The following LINS1 variants were observed in gnomAD, a reference collection of about 807,000 sequenced individuals.
LINS1 encodes lines homolog 1, also known as protein Lines homolog 1.
A neutral mutation model predicts 41.6 loss-of-function variants in LINS1; 27 were observed. The ratio of observed to expected loss-of-function variants is 0.65; its 90% CI spans 0.48 to 0.89. The LOEUF is 0.89. Among genes scored for constraint, LINS1 ranks in the 40% least tolerant of loss-of-function variants. The pLI, the probability that LINS1 is intolerant of heterozygous loss-of-function variation, is 0.00. For missense variants in LINS1, 955 were observed against 884.1 expected (o/e 1.08, Z -1.02); for synonymous variants, 336 against 312.9 (o/e 1.07, Z -0.78).
intron 1 of LINS1, among the ~76,000 whole-genome samples, chr15:100,586,050 C>T (rs1001181455): frequency 3.3e-5 from 5 of 152,172 alleles, no homozygotes; most frequent in African/African-American, 1.2e-4. Flanking sequence ...CTTGGGCCCC[C>T]AAAATCACTA....
intron 3 of LINS1, among the ~76,000 whole-genome samples, chr15:100,578,174 G>A (rs1333849338): frequency 6.6e-6 from 1 of 152,030 alleles, no homozygotes; most frequent in African/African-American, 2.4e-5. Flanking sequence ...ATAGAGAAAT[G>A]GGATCTAATT....
rs1567719555 is a variant in LINS1 at position 100,575,144 on chromosome 15, T to C, written c.490-16A>G. On this transcript the variant is annotated splice_polypyrimidine_tract_variant and intron_variant, in intron 3 of 6. Coordinates refer to ENST00000314742, the MANE Select transcript of LINS1 (RefSeq NM_001040616.3). Reference sequence around the variant, plus strand: ...TTAAGGTTATCTACAAGTGAGAAAATAAAGCAAGCAGTTAAAATACAATAT... The same window carrying C: ...TTAAGGTTATCTACAAGTGAGAAAACAAAGCAAGCAGTTAAAATACAATAT... 2 of 1,604,716 alleles carry C rather than the reference T, an allele frequency of 1.2e-6. No homozygotes were observed. Among genetic ancestry groups the C allele is most frequent in the Non-Finnish European group, 1.7e-6 (2 of 1,175,322 alleles).
chr15:100,584,168 C>T (rs1031087406), intron 1 of LINS1, among the ~76,000 whole-genome samples: 20 of 152,172 alleles, frequency 1.3e-4, no homozygotes, highest in Admixed American at 6.5e-4. Context: ...TAACTACTGT[C>T]ACTATAAAAC....
At chr15:100,596,624 A>G (rs1378817575) in intron 1 of LINS1, among the ~76,000 whole-genome samples, 3 of 152,220 alleles carry the variant, frequency 2.0e-5, no homozygotes, top group African/African-American at 4.8e-5. Context: ...CTTTTAATAA[A>G]AAGCAGCCCC....
At chr15:100,588,462 T>C (rs372263303) in intron 1 of LINS1, among the ~76,000 whole-genome samples, 34 of 152,356 alleles carry the variant, frequency 2.2e-4, no homozygotes, top group South Asian at 8.3e-4. Flanking sequence ...AAAAGTGTAA[T>C]GCCTTTCATT....
chr15:100,600,618 T>C (rs893375430), intron 1 of LINS1, among the ~76,000 whole-genome samples: 2 of 139,922 alleles, frequency 1.4e-5, no homozygotes, highest in Non-Finnish European at 3.0e-5. Flanking sequence ...CTACTAAAAA[T>C]TGATAGCATT....
At chr15:100,583,377 G>C (rs2038657753) in intron 1 of LINS1, among the ~76,000 whole-genome samples, 1 of 152,228 alleles carries the variant, frequency 6.6e-6, no homozygotes, top group Admixed American at 6.5e-5. Flanking sequence ...ACACAAAGCT[G>C]CCCTGTTTTA....
At chr15:100,588,630 CT>C (rs1188040353) in intron 1 of LINS1, among the ~76,000 whole-genome samples, 1 of 152,152 alleles carries the variant, frequency 6.6e-6, no homozygotes, top group African/African-American at 2.4e-5. Flanking sequence ...GCTTCTTTGA[CT>C]TTTAAAAATT....
chr15:100,576,674 T>C (rs2038203067), intron 3 of LINS1: 1 of 152,322 alleles, frequency 6.6e-6, no homozygotes, highest in African/African-American at 2.4e-5. Context: ...ACTCATTTTA[T>C]GAGGACAGCA....
At position 100,572,319 on chromosome 15, in the gene LINS1, G is replaced by A. The variant is rs1044092850; in HGVS notation, c.1223-254C>T. 2.4e-5 allele frequency: 31 copies of A among 1,269,472 alleles called. No homozygotes were observed. In the South Asian group the frequency reaches 4.8e-4, roughly 20 times the overall value. The allele number at this position is 1,269,472 out of a possible 1,614,324, so 78.6% of individuals were successfully genotyped here. Reference sequence around the variant, plus strand: ...GCTACATCATCTATTTGCAACAACTGCCTAACAACTGTCTCTTAGAAATAA... The same window carrying A: ...GCTACATCATCTATTTGCAACAACTACCTAACAACTGTCTCTTAGAAATAA... On this transcript the variant is annotated intron_variant, in intron 5 of 6. Transcript: ENST00000314742.
At chr15:100,576,350 C>T (rs1290618057) in intron 3 of LINS1, among the ~76,000 whole-genome samples, 1 of 152,192 alleles carries the variant, frequency 6.6e-6, no homozygotes, top group Non-Finnish European at 1.5e-5. Flanking sequence ...AGTATCACCA[C>T]TGATTCCATA....
chr15:100,580,643 G>A lies in LINS1; in HGVS notation c.200C>T (p.Ala67Val), dbSNP rs1357618303. ...ACACACAGGTGCTACAGCAATGGGAGCCACACCAACAGAGATGGGCTGATG... is the reference window on the plus strand; with the variant it reads ...ACACACAGGTGCTACAGCAATGGGAACCACACCAACAGAGATGGGCTGATG... ...GRHQPISVGV[A>V]PIAVAPVCLK... is the part of the protein sequence containing the mutation. Residue 67 changes from alanine to valine, a missense_variant, in exon 2 of 7, where the codon GCT becomes GTT. Transcript: ENST00000314742. 2.5e-6 allele frequency: 4 copies of A among 1,613,856 alleles called. No individual in the cohort carries two copies. The highest frequency in any genetic ancestry group is 2.2e-5 in the South Asian group (2 of 91,080).
chr15:100,573,427 T>TAAGGAATGATTTAGG, intron 5 of LINS1: 1 of 1,043,710 alleles, frequency 9.6e-7, no homozygotes, highest in Non-Finnish European at 1.3e-6. Flanking sequence ...ACCTAAATCA[T>TAAGGAATGATTTAGG]TCCTTATGCT....
At chr15:100,601,858 C>G (rs2039512419) in intron 1 of LINS1, among the ~76,000 whole-genome samples, 1 of 152,144 alleles carries the variant, frequency 6.6e-6, no homozygotes. Context: ...ATCGTCATCG[C>G]TATCCCAAAG....
At chr15:100,574,867 CT>C in intron 4 of LINS1, 119 bp downstream of exon 4, 1 of 1,056,356 alleles carries the variant, frequency 9.5e-7, no homozygotes, top group Non-Finnish European at 1.4e-6. Flanking sequence ...TTGGAAGAGA[CT>C]GACTTTTTCA....
At chr15:100,573,453 A>T in intron 5 of LINS1, 198 bp downstream of exon 5, 1 of 924,030 alleles carries the variant, frequency 1.1e-6, no homozygotes, top group Non-Finnish European at 1.5e-6. Flanking sequence ...AATTCATTGT[A>T]GGCACAAAAA....
chr15:100,572,936 G>A (rs937062287), intron 5 of LINS1: 4 of 576,966 alleles, frequency 6.9e-6, no homozygotes, highest in South Asian at 7.2e-5. Context: ...AAACAGAGAC[G>A]AGAGGATCAC....
chr15:100,584,933 G>A (rs969742346), intron 1 of LINS1, among the ~76,000 whole-genome samples: 17 of 152,180 alleles, frequency 1.1e-4, no homozygotes, highest in African/African-American at 4.1e-4. Flanking sequence ...GAAAACATAA[G>A]CATAAATTCT....
chr15:100,570,024 CAAG>C lies in LINS1; in HGVS notation c.1485_1487del (p.Phe495del), dbSNP rs763854270. 5.8e-6 allele frequency: 9 copies of C among 1,551,294 alleles called. No individual in the cohort carries two copies. Among genetic ancestry groups the C allele is most frequent in the Non-Finnish European group, 6.9e-6 (8 of 1,155,084 alleles). On this transcript the variant is annotated inframe_deletion, in exon 7 of 7. Coordinates refer to ENST00000314742, the MANE Select transcript of LINS1 (RefSeq NM_001040616.3). ...CAAATCCTATATTTTTCAAGAAGAA[CAAG>C]AAAATACAGTGAGGATTATAGCCAT...
Sources: allele counts gnomAD v4.1 joint callset (sites outside exome capture counted in the v4.1 genomes callset), GRCh38; gene constraint gnomAD v4.1.1; transcripts MANE v1.5; gene names NCBI Gene and HGNC (gene_info 2026-07-23, HGNC 2026-07-21).